The following ZBTB14 variants were observed in gnomAD, a reference collection of about 807,000 sequenced individuals.
The protein encoded by ZBTB14 is zinc finger and BTB domain containing 14.
ZBTB14 carries 8 observed loss-of-function variants against 29.5 expected under a neutral mutation model. That is an observed-to-expected ratio of 0.27 (90% CI 0.16 to 0.49). The LOEUF (loss-of-function observed/expected upper bound fraction) is 0.49. Ranked by LOEUF, ZBTB14 falls within the 20% of genes least tolerant of loss-of-function variation. The pLI, the probability that ZBTB14 is intolerant of heterozygous loss-of-function variation, is 0.99. For missense variants in ZBTB14, 333 were observed against 563.8 expected, an observed-to-expected ratio of 0.59 and a Z score of 4.15; for synonymous variants, 226 against 207.2, an observed-to-expected ratio of 1.09 and a Z score of -0.78.
At chr18:5,296,737 A>C (rs2071976773), upstream of ZBTB14, among the ~76,000 whole-genome samples, 1 of 151,730 alleles carries the variant, frequency 6.6e-6, no homozygotes, top group African/African-American at 2.4e-5. Context: ...GCAGAAAGGG[A>C]TCACCCATAG....
Position 5,291,767 on chromosome 18 carries a change from T to C in ZBTB14, c.441A>G (p.Lys147=). The stretch of plus-strand genomic sequence containing the variant: ...CAGCATCTCCAATGGGGCGATTTAT[T>C]TTAAGGCAATACTTACTTTTGGACT... The part of the protein sequence containing the change: ...NGQSKSKYCL[K]INRPIGDAAD... Residue 147 remains lysine (K), a synonymous_variant, in exon 4 of 4, where the codon AAA becomes AAG. Coordinates refer to ENST00000651870, the MANE Select transcript of ZBTB14 (RefSeq NM_001243702.2). This position sits in a 1 kb window ranked among gnomAD's most constrained non-coding sequence, Gnocchi z 5.8. 3.1e-6 allele frequency: 5 copies of C among 1,614,080 alleles called. No individual in the cohort carries two copies. Among genetic ancestry groups the C allele is most frequent in the Non-Finnish European group, 3.4e-6 (4 of 1,179,986 alleles).
In ZBTB14 at chr18:5,291,338, G is replaced by A. The variant is rs2071808580; in HGVS notation, c.870C>T (p.Gly290=). 6.2e-7 allele frequency: 1 copy of A among 1,614,092 alleles called. No homozygotes were observed. The highest frequency in any genetic ancestry group is 1.1e-5 in the South Asian group (1 of 91,088). The change falls in exon 4 of 4, where the codon GGC becomes GGT. Residue 290 remains glycine, a synonymous_variant. Transcript: ENST00000651870. This position sits in a 1 kb window ranked among gnomAD's most constrained non-coding sequence, Gnocchi z 5.8. ...GGAGTTTCTCATGCTTCCTCAATCT[G>A]CCTTCATCAGAAAACGTCTTCCCAC... ...QACGKTFSDE[G]RLRKHEKLHT...
chr18:5,294,909 A>G (rs2071909851), intron 1 of ZBTB14: 1 of 152,126 alleles, frequency 6.6e-6, no homozygotes, highest in Non-Finnish European at 1.5e-5. Context: ...GCAGGGAGCC[A>G]AGCGCAGACC....
rs1379636092 is a variant in ZBTB14 at position 5,290,185 on chromosome 18, C to G, written c.*673G>C. ...ACCCCCCACCATCCCGGTGGGTTTG[C>G]TTGGCCTTTAGGATGTGTGACTACA... On this transcript the variant is annotated 3_prime_UTR_variant, in exon 4 of 4. Transcript: ENST00000651870. 6.6e-6 allele frequency: 1 copy of G among 152,176 alleles called. No homozygotes were observed. Among genetic ancestry groups the G allele is most frequent in the African/African-American group, 2.4e-5 (1 of 41,428 alleles). 9.4% of individuals were successfully genotyped at this position (152,176 alleles called of 1,614,324 possible). A position where few individuals can be genotyped will look rare whatever the true frequency, so the allele number is the denominator to read the frequency against.
chr18:5,295,077 C>G (rs1184658783), intron 1 of ZBTB14, among the ~76,000 whole-genome samples: 2 of 151,606 alleles, frequency 1.3e-5, no homozygotes, highest in South Asian at 2.1e-4. Context: ...AATCAGACGT[C>G]GAGCGCAGGC....
upstream of ZBTB14, among the ~76,000 whole-genome samples, chr18:5,296,365 C>T (rs1346260428): frequency 6.7e-6 from 1 of 150,290 alleles, no homozygotes; most frequent in Admixed American, 6.6e-5. Flanking sequence ...GCCTCAAGCT[C>T]CCTCCCGCCC....
chr18:5,295,384 T>C (rs1244712814), intron 1 of ZBTB14, among the ~76,000 whole-genome samples: 1 of 142,986 alleles, frequency 7.0e-6, no homozygotes, highest in Admixed American at 6.9e-5. Context: ...CCGGCGGCTG[T>C]AGGCGGCGCG....
upstream of ZBTB14, among the ~76,000 whole-genome samples, chr18:5,296,531 G>T (rs1289587538): frequency 2.0e-5 from 3 of 151,654 alleles, no homozygotes; most frequent in African/African-American, 7.3e-5. Context: ...GTCTCGGAGC[G>T]GGCGCCCCGG....
intron 1 of ZBTB14, 67 bp downstream of exon 1, chr18:5,295,585 C>G (rs2071939574): frequency 6.9e-6 from 1 of 145,096 alleles, no homozygotes; most frequent in African/African-American, 2.5e-5. Flanking sequence ...CGCTCGCCGG[C>G]CCGCGCGGCC....
chr18:5,292,760 AG>A (rs1274526252), intron 3 of ZBTB14, among the ~76,000 whole-genome samples: 2 of 152,262 alleles, frequency 1.3e-5, no homozygotes, highest in African/African-American at 4.8e-5. Context: ...CCTTGACAGA[AG>A]GAACAAATTA....
At chr18:5,293,537 A>C (rs2071867567) in intron 2 of ZBTB14, 4 of 326,784 alleles carry the variant, frequency 1.2e-5, no homozygotes, top group African/African-American at 2.1e-5. Context: ...ACTCGGGCAT[A>C]AAGGGGCTGT....
intron 1 of ZBTB14, among the ~76,000 whole-genome samples, chr18:5,294,512 C>T (rs879603460): frequency 3.3e-5 from 5 of 152,114 alleles, no homozygotes; most frequent in African/African-American, 4.8e-5. Flanking sequence ...CCTCTCCCCT[C>T]TCTCTCTCAA....
chr18:5,295,572 G>A (rs973717101), intron 1 of ZBTB14, 80 bp downstream of exon 1: 2 of 144,530 alleles, frequency 1.4e-5, no homozygotes, highest in African/African-American at 5.0e-5. Context: ...CGCTCCCCGA[G>A]CCCGCTCGCC....
rs1398225451 is a variant in ZBTB14, at chr18:5,290,057, G to C, written c.*801C>G. 2 of 152,174 alleles carry C rather than the reference G, an allele frequency of 1.3e-5. No individual in the cohort carries two copies. The highest frequency in any genetic ancestry group is 2.9e-5 in the Non-Finnish European group (2 of 68,038). The allele number at this position is 152,174 out of a possible 1,614,324, so 9.4% of individuals were successfully genotyped here. A position where few individuals can be genotyped will look rare whatever the true frequency, so the allele number is the denominator to read the frequency against. ...TACACATGTAAAAAACCTTATCTCT[G>C]AGAGCCTTTTCTATTCTTCTTACCA... On this transcript the variant is annotated 3_prime_UTR_variant, in exon 4 of 4. Transcript: ENST00000651870.
chr18:5,292,720 A>T (rs2071844854), intron 3 of ZBTB14, among the ~76,000 whole-genome samples: 1 of 152,260 alleles, frequency 6.6e-6, no homozygotes, highest in Non-Finnish European at 1.5e-5. Flanking sequence ...TACTCTATGG[A>T]GGATTCAGCA....
chr18:5,291,642 T>C lies in ZBTB14; in HGVS notation c.566A>G (p.Lys189Arg), dbSNP rs1248207922. 1.9e-6 allele frequency: 3 copies of C among 1,614,050 alleles called. No individual in the cohort carries two copies. ...EGTPPSQEDG[K>R]SPTTTLRVQE... ...AACCCTGAGCGTTGTGGTGGGCGACTTGCCGTCCTCCTGACTCGGGGGTGT... is the reference window on the plus strand; with the variant it reads ...AACCCTGAGCGTTGTGGTGGGCGACCTGCCGTCCTCCTGACTCGGGGGTGT... Residue 189 changes from lysine to arginine, a missense_variant, in exon 4 of 4, where the codon AAG becomes AGG. By Grantham distance (26) the Lys-to-Arg change is conservative. This residue lies in a region of ZBTB14 where 126 missense variants were observed against 132.2 expected (regional missense o/e 0.95). Transcript: ENST00000651870. This position sits in a 1 kb window ranked among gnomAD's most constrained non-coding sequence, Gnocchi z 5.8.
At position 5,292,219 on chromosome 18, in the gene ZBTB14, AAAG is replaced by A. The variant is rs1359034672; in HGVS notation, c.4-18_4-16del. Reference sequence around the variant, plus strand: ...ATGAAAAACTCCTACAAAAAAAAAAAAAGTTTAGTAATTATAAATAGTACTTTT... The same window carrying A: ...ATGAAAAACTCCTACAAAAAAAAAAATTTAGTAATTATAAATAGTACTTTT... On this transcript the variant is annotated splice_polypyrimidine_tract_variant and intron_variant, in intron 3 of 3. Transcript: ENST00000651870. 2.0e-6 allele frequency: 3 copies of A among 1,495,134 alleles called. No individual in the cohort carries two copies. Among genetic ancestry groups the A allele is most frequent in the East Asian group, 4.7e-5 (2 of 42,658 alleles). The allele number at this position is 1,495,134 out of a possible 1,614,324, so 92.6% of individuals were successfully genotyped here.
intron 3 of ZBTB14, 92 bp downstream of exon 3, chr18:5,293,152 A>G: frequency 7.7e-7 from 1 of 1,303,456 alleles, no homozygotes; most frequent in Non-Finnish European, 1.1e-6. Flanking sequence ...AGACAAATAG[A>G]AGTGTTCATG....
chr18:5,296,237 ACGCGCGCGGCTTGGGGCG>A (rs1172409086), upstream of ZBTB14: 16 of 150,066 alleles, frequency 1.1e-4, no homozygotes, highest in African/African-American at 3.7e-4. Flanking sequence ...ACGCGCGCGC[ACGCGCGCGGCTTGGGGCG>A]CGCGGAGCCC....
Sources: allele counts gnomAD v4.1 joint callset (sites outside exome capture counted in the v4.1 genomes callset), GRCh38; gene constraint gnomAD v4.1.1; regional missense constraint gnomAD v4.1.1; non-coding constraint Gnocchi (gnomAD v3.1); transcripts MANE v1.5; gene names NCBI Gene and HGNC (gene_info 2026-07-23, HGNC 2026-07-21).